The following CD109 variants were observed in gnomAD, a reference collection of about 807,000 sequenced individuals.
CD109 encodes the protein CD109 antigen.
A neutral mutation model predicts 165.8 loss-of-function variants in CD109; 149 were observed. That is an observed-to-expected ratio of 0.90 (90% CI 0.79 to 1.03). The LOEUF is 1.03. CD109 is among the 50% of genes least tolerant of loss of function. The pLI is 0.00. For missense variants in CD109, 1,712 were observed against 1,677.8 expected (o/e 1.02, Z -0.36); for synonymous variants, 585 against 592.1 (o/e 0.99, Z 0.18).
rs1389341584 is a variant in CD109 at position 73,723,408 on chromosome 6, G to C, written c.276+129G>C. Reference sequence around the variant, plus strand: ...TTCATGTAAGTTTGGCTTGAGTTTAGTTCAGCCTTCAGATTATTTATGAAT... The same window carrying C: ...TTCATGTAAGTTTGGCTTGAGTTTACTTCAGCCTTCAGATTATTTATGAAT... On this transcript the variant is annotated intron_variant, in intron 3 of 32. Coordinates refer to ENST00000287097, the MANE Select transcript of CD109 (RefSeq NM_133493.5). The C allele has an allele frequency of 2.0e-5, 15 of 737,056 alleles. No homozygotes were observed. The East Asian group carries it at 3.9e-4, about 19-fold the overall frequency. 45.7% of individuals were successfully genotyped at this position (737,056 alleles called of 1,614,324 possible). A position where few individuals can be genotyped will look rare whatever the true frequency, so the allele number is the denominator to read the frequency against.
intron 2 of CD109, among the ~76,000 whole-genome samples, chr6:73,708,226 C>T (rs955303533): frequency 2.0e-5 from 3 of 151,910 alleles, no homozygotes; most frequent in Non-Finnish European, 4.4e-5. Flanking sequence ...TCAATTCCCA[C>T]CTATGAGTGA....
At chr6:73,700,790 G>GTTT (rs58140668) in intron 2 of CD109, among the ~76,000 whole-genome samples, 755 of 51,482 alleles carry the variant, frequency 0.015, 182 homozygotes, top group Middle Eastern at 0.036. Context: ...ATTGATTGTA[G>GTTT]TTTTTTTTTT....
Position 73,806,824 on chromosome 6 carries a change from T to C in CD109, c.2961-20T>C, listed in dbSNP as rs985143615. On this transcript the variant is annotated intron_variant, in intron 24 of 32. Transcript: ENST00000287097. ...CCTTATAAAGTGTATTTTATGTAAT[T>C]TTTTTCTCTTTTCATAAAGGTTGTC... 1 of 1,580,546 alleles carries C rather than the reference T, an allele frequency of 6.3e-7. No homozygotes were observed. Among genetic ancestry groups the C allele is most frequent in the African/African-American group, 1.4e-5 (1 of 74,050 alleles).
In CD109 at chr6:73,696,265, C is replaced by G. The variant is rs1165853010; in HGVS notation, c.50C>G (p.Thr17Ser). The change falls in exon 1 of 33, where the codon ACC becomes AGC. Residue 17 changes from threonine (T) to serine (S), a missense_variant. Transcript: ENST00000287097. ...GCCGCCCACCTCCTCTGCGTGTGCA[C>G]CGCCGCGCTGGCCGTGGCTCCCGGG... ...LTAAHLLCVC[T>S]AALAVAPGPR... is the part of the protein sequence containing the mutation. 3 of 1,532,478 alleles carry G rather than the reference C, an allele frequency of 2.0e-6. No individual in the cohort carries two copies. Among genetic ancestry groups the G allele is most frequent in the Admixed American group, 4.0e-5 (2 of 50,576 alleles). 94.9% of individuals were successfully genotyped at this position (1,532,478 alleles called of 1,614,324 possible). A position where few individuals can be genotyped will look rare whatever the true frequency, so the allele number is the denominator to read the frequency against.
chr6:73,704,375 C>T (rs572208822), intron 2 of CD109, among the ~76,000 whole-genome samples: 16 of 152,188 alleles, frequency 1.1e-4, no homozygotes, highest in African/African-American at 3.4e-4. Flanking sequence ...GAAGGCTCCT[C>T]GTGGACTTTC....
rs1177825411 is a variant in CD109 at position 73,771,414 on chromosome 6, T to C, written c.1675-15T>C. On this transcript the variant is annotated splice_polypyrimidine_tract_variant and intron_variant, in intron 14 of 32. Transcript: ENST00000287097. ...AAAAGTGAAATAAGTTAATCCTCCT[T>C]TCTCTCTTTTTTAGATAAAGCTATA... 1.3e-6 allele frequency: 2 copies of C among 1,592,776 alleles called. No individual in the cohort carries two copies. Among genetic ancestry groups the C allele is most frequent in the East Asian group, 2.3e-5 (1 of 44,388 alleles).
At position 73,762,494 on chromosome 6, in the gene CD109, AC is replaced by A; in HGVS notation, c.855+15del. On this transcript the variant is annotated intron_variant, in intron 8 of 32. Transcript: ENST00000287097. ...AAAACATTTAAGGTAACTTTTGCAGACACTTTATAACTTGTGATGGGTAAAA... is the reference window on the plus strand; with the variant it reads ...AAAACATTTAAGGTAACTTTTGCAGAACTTTATAACTTGTGATGGGTAAAA... 2 of 1,481,528 alleles carry A rather than the reference AC, an allele frequency of 1.3e-6. No homozygotes were observed. The highest frequency in any genetic ancestry group is 1.9e-6 in the Non-Finnish European group (2 of 1,061,912). 91.8% of individuals were successfully genotyped at this position (1,481,528 alleles called of 1,614,324 possible). A position where few individuals can be genotyped will look rare whatever the true frequency, so the allele number is the denominator to read the frequency against.
chr6:73,786,424 A>G (rs1774696361), intron 20 of CD109, among the ~76,000 whole-genome samples: 1 of 152,022 alleles, frequency 6.6e-6, no homozygotes, highest in Admixed American at 6.6e-5. Flanking sequence ...TTTTATTGGC[A>G]TATTTGGCTG....
chr6:73,817,335 TA>T (rs199557441), intron 30 of CD109, among the ~76,000 whole-genome samples: 7 of 145,300 alleles, frequency 4.8e-5, no homozygotes, highest in African/African-American at 1.7e-4. Flanking sequence ...TTCTCATCTA[TA>T]TTTTTTTCTC....
Position 73,823,783 on chromosome 6 carries a change from C to G in CD109, c.*150C>G. Reference sequence around the variant, plus strand: ...AGGGATGGTGTACAACAGGTCCTAGCATGTATAGCTGCATAGATTTCTTCA... The same window carrying G: ...AGGGATGGTGTACAACAGGTCCTAGGATGTATAGCTGCATAGATTTCTTCA... On this transcript the variant is annotated 3_prime_UTR_variant, in exon 33 of 33. Coordinates refer to ENST00000287097, the MANE Select transcript of CD109 (RefSeq NM_133493.5). 1.8e-6 allele frequency: 1 copy of G among 570,660 alleles called. No homozygotes were observed. The highest frequency in any genetic ancestry group is 3.0e-6 in the Non-Finnish European group (1 of 330,246). 35.3% of individuals were successfully genotyped at this position (570,660 alleles called of 1,614,324 possible). A position where few individuals can be genotyped will look rare whatever the true frequency, so the allele number is the denominator to read the frequency against.
At chr6:73,762,670 TAGTTTG>T in intron 8 of CD109, 65 bp from the exon 9 acceptor site, 1 of 1,254,644 alleles carries the variant, frequency 8.0e-7, no homozygotes, top group Non-Finnish European at 1.1e-6. Flanking sequence ...TGTTGTGACT[TAGTTTG>T]AGTTTTATTT....
At chr6:73,801,099 A>G (rs959635153) in intron 23 of CD109, among the ~76,000 whole-genome samples, 1 of 152,180 alleles carries the variant, frequency 6.6e-6, no homozygotes, top group African/African-American at 2.4e-5. Flanking sequence ...TACTTACTGA[A>G]GTCTTTTCTT....
At position 73,811,044 on chromosome 6, in the gene CD109, C is replaced by T. The variant is rs1775739422; in HGVS notation, c.3599C>T (p.Thr1200Ile). ...TCTGAATTTGCAGCCCTAATGAATA[C>T]AGAAAGGACAAATATCCAAGTGACC... ...ALSEFAALMN[T>I]ERTNIQVTVT... The change falls in exon 28 of 33, where the codon ACA becomes ATA. Residue 1200 changes from threonine (T) to isoleucine (I), a missense_variant. By Grantham distance (89) the Thr-to-Ile change is moderately conservative. Coordinates refer to ENST00000287097, the MANE Select transcript of CD109 (RefSeq NM_133493.5). 6.2e-7 allele frequency: 1 copy of T among 1,613,320 alleles called. No individual in the cohort carries two copies. The highest frequency in any genetic ancestry group is 8.5e-7 in the Non-Finnish European group (1 of 1,179,564).
Position 73,803,284 on chromosome 6 carries a change from C to A in CD109, c.2943C>A (p.Asp981Glu), listed in dbSNP as rs373674357. 63 of 1,610,898 alleles carry A rather than the reference C, an allele frequency of 3.9e-5. No homozygotes were observed. The highest frequency in any genetic ancestry group is 2.2e-5 in the East Asian group (1 of 44,750). ...CTTTCAGTGCTTTTGGGAATTATGA[C>A]CCTTCTGGGAGCACTTGGTAAGTGT... ...DGSFSAFGNY[D>E]PSGSTWLSAF... The change falls in exon 24 of 33, where the codon GAC becomes GAA. Residue 981 changes from aspartate (D) to glutamate (E), a missense_variant. Physicochemically the swap from Asp to Glu is conservative, Grantham distance 45. Coordinates refer to ENST00000287097, the MANE Select transcript of CD109 (RefSeq NM_133493.5).
intron 2 of CD109, among the ~76,000 whole-genome samples, chr6:73,704,179 CAA>C (rs58505053): frequency 3.5e-4 from 28 of 79,216 alleles, no homozygotes; most frequent in Middle Eastern, 8.9e-3. Context: ...GACTCCATCT[CAA>C]AAAAAAAAAA....
At position 73,783,796 on chromosome 6, in the gene CD109, G is replaced by A; in HGVS notation, c.2195G>A (p.Gly732Asp). 6.2e-7 allele frequency: 1 copy of A among 1,608,700 alleles called. No individual in the cohort carries two copies. Among genetic ancestry groups the A allele is most frequent in the Non-Finnish European group, 8.5e-7 (1 of 1,175,384 alleles). ...GGTTTTGTGATCTCTGAGGACCTGG[G>A]TCTTGGACTAACAACTACTCCAGTG... ...ATGFVISEDL[G>D]LGLTTTPVEL... The change falls in exon 19 of 33, where the codon GGT (glycine) becomes GAT (aspartate). Residue 732 changes from glycine to aspartate, a missense_variant. Coordinates refer to ENST00000287097, the MANE Select transcript of CD109 (RefSeq NM_133493.5).
At chr6:73,727,175 A>G (rs1031107475) in intron 3 of CD109, among the ~76,000 whole-genome samples, 1 of 152,172 alleles carries the variant, frequency 6.6e-6, no homozygotes, top group South Asian at 2.1e-4. Context: ...AATTGCTTAA[A>G]GTCAATAATC....
intron 19 of CD109, 68 bp downstream of exon 19, chr6:73,783,892 ATTT>A: frequency 1.3e-6 from 1 of 743,182 alleles, no homozygotes; most frequent in Non-Finnish European, 2.2e-6. Flanking sequence ...CAGCTCCTCA[ATTT>A]TTTTTTTAAA....
At chr6:73,768,379 T>C in intron 14 of CD109, 148 bp downstream of exon 14, 2 of 585,564 alleles carry the variant, frequency 3.4e-6, no homozygotes, top group African/African-American at 1.9e-5. Flanking sequence ...AACTTTTCAA[T>C]ATTTAGCATT....
Sources: gnomAD v4.1 joint callset for allele counts (sites outside exome capture counted in the v4.1 genomes callset) on GRCh38, gnomAD v4.1.1 for gene constraint, MANE v1.5 for transcripts, NCBI Gene and HGNC (gene_info 2026-07-23, HGNC 2026-07-21) for gene names.